The following EVA1A variants were observed in gnomAD, a reference collection of about 807,000 sequenced individuals.
The protein encoded by EVA1A is protein eva-1 homolog A.
Under a neutral mutation model 9.8 loss-of-function variants are expected in EVA1A, and 7 were observed. The observed-to-expected ratio is 0.71, with a 90% CI of 0.41 to 1.34. The LOEUF (loss-of-function observed/expected upper bound fraction) is 1.34. Ranked by LOEUF, EVA1A falls within the 40% of genes most tolerant of loss-of-function variation. The pLI, the probability that EVA1A is intolerant of heterozygous loss-of-function variation, is 0.01. For missense variants in EVA1A, 206 were observed against 205.9 expected, an observed-to-expected ratio of 1.00 and a Z score of 0.00; for synonymous variants, 90 against 85.6, an observed-to-expected ratio of 1.05 and a Z score of -0.28.
intron 3 of EVA1A, among the ~76,000 whole-genome samples, chr2:75,496,328 T>A (rs550875375): frequency 6.6e-6 from 1 of 152,278 alleles, no homozygotes; most frequent in East Asian, 1.9e-4. Flanking sequence ...ATAATTGACT[T>A]CAGTAAAGTT....
At position 75,502,617 on chromosome 2, in the gene EVA1A, G is replaced by A. The variant is rs114643650; in HGVS notation, c.86-9008C>T. Among the ~76,000 whole-genome samples, 896 of 152,326 alleles carry A rather than the reference G, an allele frequency of 5.9e-3. 9 individuals are homozygous for A. The highest frequency in any genetic ancestry group is 8.8e-3 in the Non-Finnish European group (600 of 68,028). On this transcript the variant is annotated intron_variant, in intron 3 of 3. Transcript: ENST00000393913. Reference sequence around the variant, plus strand: ...TGAGAACAGGAAGGAAGGCAAGAAGGAAAAGAGGGAAAGAGGGAGGAAGAC... The same window carrying A: ...TGAGAACAGGAAGGAAGGCAAGAAGAAAAAGAGGGAAAGAGGGAGGAAGAC...
intron 3 of EVA1A, among the ~76,000 whole-genome samples, chr2:75,513,557 A>C (rs1674892720): frequency 6.6e-6 from 1 of 152,196 alleles, no homozygotes. Context: ...AGGAAGTGAA[A>C]TCAGTATCTT....
At chr2:75,562,287 C>T (rs78988318), upstream of EVA1A, among the ~76,000 whole-genome samples, 2,189 of 152,212 alleles carry the variant, frequency 0.014, 63 homozygotes, top group African/African-American at 0.05. Context: ...CCAGCTCCAC[C>T]CTCACAAATA....
chr2:75,546,796 G>C (rs1429862735), intron 1 of EVA1A, among the ~76,000 whole-genome samples: 2 of 151,884 alleles, frequency 1.3e-5, no homozygotes, highest in Non-Finnish European at 2.9e-5. Context: ...AAGGCATTAG[G>C]GCGGGCCTCA....
chr2:75,556,920 C>A (rs1438187808), intron 1 of EVA1A, among the ~76,000 whole-genome samples: 1 of 152,154 alleles, frequency 6.6e-6, no homozygotes, highest in Non-Finnish European at 1.5e-5. Flanking sequence ...CAGGGACCAG[C>A]CAAGGGGTTT....
intron 3 of EVA1A, among the ~76,000 whole-genome samples, chr2:75,496,599 A>G (rs1005065848): frequency 3.9e-5 from 6 of 152,224 alleles, no homozygotes; most frequent in Admixed American, 3.3e-4. Context: ...TAAAATGGCC[A>G]TACTGCCCAA....
At chr2:75,506,303 A>C (rs759960915) in intron 3 of EVA1A, among the ~76,000 whole-genome samples, 26 of 152,250 alleles carry the variant, frequency 1.7e-4, no homozygotes, top group Non-Finnish European at 1.2e-4. Context: ...TGTGTCAAAC[A>C]GGATACATAC....
upstream of EVA1A, chr2:75,560,977 C>G (rs1487745784): frequency 2.0e-5 from 3 of 152,424 alleles, no homozygotes; most frequent in East Asian, 3.9e-4. Flanking sequence ...CGATCTCCCC[C>G]CTCCTCCACC....
At chr2:75,540,075 C>T (rs938772743) in intron 1 of EVA1A, among the ~76,000 whole-genome samples, 7 of 152,210 alleles carry the variant, frequency 4.6e-5, no homozygotes, top group African/African-American at 1.4e-4. Context: ...TCCACAGGTG[C>T]AGCAACCTTC....
At chr2:75,498,028 T>C (rs1332906088) in intron 3 of EVA1A, among the ~76,000 whole-genome samples, 2 of 152,144 alleles carry the variant, frequency 1.3e-5, no homozygotes, top group Admixed American at 6.5e-5. Flanking sequence ...TGTACTTGTA[T>C]GTTTACTGTA....
At chr2:75,540,631 T>C (rs1676080533) in intron 1 of EVA1A, 2 of 152,214 alleles carry the variant, frequency 1.3e-5, no homozygotes, top group South Asian at 2.1e-4. Flanking sequence ...GTTTTAATTA[T>C]GTGAAGTCTT....
At chr2:75,564,493 G>C (rs1039395295), upstream of EVA1A, among the ~76,000 whole-genome samples, 1 of 152,212 alleles carries the variant, frequency 6.6e-6, no homozygotes, top group Non-Finnish European at 1.5e-5. Context: ...GGTGGTCAGA[G>C]CAGGGAACCA....
chr2:75,527,861 C>T (rs1293034202), intron 1 of EVA1A, among the ~76,000 whole-genome samples: 1 of 152,174 alleles, frequency 6.6e-6, no homozygotes, highest in Non-Finnish European at 1.5e-5. Flanking sequence ...AATTCACAAA[C>T]CCTTTGAAAG....
intron 1 of EVA1A, among the ~76,000 whole-genome samples, chr2:75,535,570 G>C (rs949803132): frequency 1.3e-5 from 2 of 152,182 alleles, no homozygotes; most frequent in African/African-American, 4.8e-5. Flanking sequence ...AAGAAAATGT[G>C]ATGTGTATGT....
chr2:75,504,287 T>C (rs1360459918), intron 3 of EVA1A, among the ~76,000 whole-genome samples: 2 of 152,110 alleles, frequency 1.3e-5, no homozygotes, highest in Admixed American at 6.5e-5. Flanking sequence ...GGTGGGTGCC[T>C]GTAATCCCAG....
At chr2:75,515,812 A>G (rs1674982525) in intron 3 of EVA1A, among the ~76,000 whole-genome samples, 1 of 152,074 alleles carries the variant, frequency 6.6e-6, no homozygotes, top group East Asian at 1.9e-4. Flanking sequence ...GACTCTCCCA[A>G]CTCACGTGCC....
At chr2:75,505,959 C>T (rs188607668) in intron 3 of EVA1A, among the ~76,000 whole-genome samples, 16 of 152,238 alleles carry the variant, frequency 1.1e-4, no homozygotes, top group Non-Finnish European at 1.8e-4. Context: ...CATTTACCTG[C>T]TTATAGTCAG....
At chr2:75,553,252 G>A (rs1038726493) in intron 1 of EVA1A, among the ~76,000 whole-genome samples, 2 of 152,176 alleles carry the variant, frequency 1.3e-5, no homozygotes, top group African/African-American at 4.8e-5. Flanking sequence ...CTGAGTTTAG[G>A]TGTCCCTCCT....
intron 3 of EVA1A, among the ~76,000 whole-genome samples, chr2:75,512,165 T>C (rs1674842292): frequency 6.6e-6 from 1 of 152,188 alleles, no homozygotes; most frequent in African/African-American, 2.4e-5. Flanking sequence ...TAAATTAAAA[T>C]GAGTAATCAT....
Sources: gnomAD v4.1 joint callset for allele counts (sites outside exome capture counted in the v4.1 genomes callset) on GRCh38, gnomAD v4.1.1 for gene constraint, MANE v1.5 for transcripts, NCBI Gene and HGNC (gene_info 2026-07-23, HGNC 2026-07-21) for gene names.